Variants in STAT3 observed in about 807,000 individuals in gnomAD.
The protein encoded by STAT3 is signal transducer and activator of transcription 3.
A neutral mutation model predicts 114.3 loss-of-function variants in STAT3; 7 were observed. That is an observed-to-expected ratio of 0.06 (90% CI 0.03 to 0.11). STAT3 has a LOEUF of 0.11. Ranked by LOEUF, STAT3 falls within the 10% of genes least tolerant of loss-of-function variation. The pLI is 1.00. For missense variants in STAT3, 364 were observed against 960.9 expected, an observed-to-expected ratio of 0.38 and a Z score of 8.21; for synonymous variants, 331 against 354.5, an observed-to-expected ratio of 0.93 and a Z score of 0.74.
At chr17:42,340,312 C>A (rs967782376) in intron 4 of STAT3, among the ~76,000 whole-genome samples, 1 of 149,034 alleles carries the variant, frequency 6.7e-6, no homozygotes, top group Non-Finnish European at 1.5e-5. Flanking sequence ...GCCAAGACTG[C>A]GCCATGCACT....
intron 4 of STAT3, among the ~76,000 whole-genome samples, chr17:42,344,795 T>C (rs2082620841): frequency 6.6e-6 from 1 of 150,434 alleles, no homozygotes; most frequent in Non-Finnish European, 1.5e-5. Flanking sequence ...TCAGGCAATC[T>C]GCCCGTCTCA....
intron 1 of STAT3, among the ~76,000 whole-genome samples, chr17:42,373,754 G>A (rs554541406): frequency 6.7e-6 from 1 of 150,204 alleles, no homozygotes; most frequent in Non-Finnish European, 1.5e-5. Flanking sequence ...GCATCGTGGC[G>A]GGCGCCTGTA....
intron 15 of STAT3, 87 bp from the exon 16 acceptor site, chr17:42,325,148 G>T: frequency 7.6e-7 from 1 of 1,310,042 alleles, no homozygotes; most frequent in Non-Finnish European, 1.1e-6. Context: ...ACGGGGCTCA[G>T]AATGAAAGGA....
chr17:42,316,591 A>T, intron 23 of STAT3, 198 bp downstream of exon 23: 2 of 1,389,310 alleles, frequency 1.4e-6, no homozygotes, highest in Non-Finnish European at 2.0e-6. Flanking sequence ...TGTAAAAATT[A>T]AGTTCGTCTA....
At chr17:42,339,210 C>A in intron 5 of STAT3, 104 bp downstream of exon 5, 1 of 1,114,536 alleles carries the variant, frequency 9.0e-7, no homozygotes, top group Non-Finnish European at 1.3e-6. Context: ...GAGCTGTGAT[C>A]ATGCCACTGC....
intron 2 of STAT3, among the ~76,000 whole-genome samples, chr17:42,347,506 G>A (rs1481474954): frequency 6.6e-6 from 1 of 152,160 alleles, no homozygotes; most frequent in African/African-American, 2.4e-5. Flanking sequence ...TTAAAGTGAA[G>A]AAAATAGTTG....
rs17880940 is a variant in STAT3, at chr17:42,345,622, C to G, written c.309G>C (p.Arg103=). ...RYLEKPMEIA[R]IVARCLWEES... is the part of the protein sequence containing the mutation. ...CTTCCCACAGGCACCGGGCCACAAT[C>G]CGGGCAATCTCCATTGGCTTCTCAA... The change falls in exon 4 of 24, where the codon CGG becomes CGC. Residue 103 remains arginine, a synonymous_variant. Coordinates refer to ENST00000264657, the MANE Select transcript of STAT3 (RefSeq NM_139276.3). The G allele has an allele frequency of 2.2e-5, 36 of 1,608,350 alleles. No homozygotes were observed. In the African/African-American group the frequency reaches 4.7e-4, roughly 21 times the overall value.
At position 42,315,518 on chromosome 17, in the gene STAT3, C is replaced by T; in HGVS notation, c.*227G>A. On this transcript the variant is annotated 3_prime_UTR_variant, in exon 24 of 24. Coordinates refer to ENST00000264657, the MANE Select transcript of STAT3 (RefSeq NM_139276.3). ...TCCCCTGATCATGGGTCTCAGAGAA[C>T]ACATCCTTATTTGCATTTAGATAAA... 1.6e-6 allele frequency: 1 copy of T among 618,474 alleles called. No individual in the cohort carries two copies. The highest frequency in any genetic ancestry group is 2.7e-5 in the East Asian group (1 of 36,564). The allele number at this position is 618,474 out of a possible 1,614,324, so 38.3% of individuals were successfully genotyped here.
At position 42,314,443 on chromosome 17, in the gene STAT3, G is replaced by C. The variant is rs996083436; in HGVS notation, c.*1302C>G. The C allele has an allele frequency of 2.5e-5, 4 of 162,732 alleles. No homozygotes were observed. Among genetic ancestry groups the C allele is most frequent in the Non-Finnish European group, 5.2e-5 (4 of 76,730 alleles). 10.1% of individuals were successfully genotyped at this position (162,732 alleles called of 1,614,324 possible). ...GATGAGGGACCTTTAGACACGCAAG[G>C]AGACATGCCTCTAGCAGGATCAGGG... On this transcript the variant is annotated 3_prime_UTR_variant, in exon 24 of 24. Transcript: ENST00000264657.
chr17:42,387,677 A>G (rs2085182007), intron 1 of STAT3: 1 of 152,158 alleles, frequency 6.6e-6, no homozygotes, highest in Admixed American at 6.5e-5. Flanking sequence ...GAATTTAGAA[A>G]GAGTACCGGT....
At chr17:42,315,968 AGG>A in intron 23 of STAT3, 168 bp from the exon 24 acceptor site, 1 of 1,501,014 alleles carries the variant, frequency 6.7e-7, no homozygotes, top group Non-Finnish European at 8.9e-7. Flanking sequence ...TCCTCCCTGG[AGG>A]ACCCTGCCTC....
At chr17:42,341,938 T>C (rs1203266136) in intron 4 of STAT3, among the ~76,000 whole-genome samples, 3 of 152,026 alleles carry the variant, frequency 2.0e-5, no homozygotes, top group African/African-American at 7.2e-5. Flanking sequence ...ATCCGTACGA[T>C]TGAAAACATC....
intron 1 of STAT3, among the ~76,000 whole-genome samples, chr17:42,379,683 C>T (rs773883144): frequency 6.6e-6 from 1 of 152,142 alleles, no homozygotes; most frequent in Non-Finnish European, 1.5e-5. Context: ...CTTTCTGGGT[C>T]GGGAGCAATT....
chr17:42,388,283 T>G lies in STAT3; in HGVS notation c.-28A>C, dbSNP rs2085226063. ...CCCACCCTGCACCCCCTTCACCTGT[T>G]TCTCCGGCAGAGGCCGAGAGGCCGG... On this transcript the variant is annotated 5_prime_UTR_variant, in exon 1 of 24. Transcript: ENST00000264657. The G allele has an allele frequency of 1.6e-6, 2 of 1,231,558 alleles. No individual in the cohort carries two copies. The highest frequency in any genetic ancestry group is 3.1e-5 in the African/African-American group (2 of 64,384). 76.3% of individuals were successfully genotyped at this position (1,231,558 alleles called of 1,614,324 possible).
At chr17:42,334,177 G>A (rs2082135131) in intron 8 of STAT3, 128 bp from the exon 9 acceptor site, 5 of 1,051,170 alleles carry the variant, frequency 4.8e-6, no homozygotes, top group Admixed American at 2.1e-5. Context: ...TTATTGTGGT[G>A]AAATATATAT....
chr17:42,339,382 C>T lies in STAT3; in HGVS notation c.400G>A (p.Ala134Thr), dbSNP rs2082349423. Residue 134 changes from alanine (A) to threonine (T), a missense_variant, in exon 5 of 24, where the codon GCA becomes ACA. Around this residue, in one of 5 missense-constraint regions of STAT3, gnomAD observed 294 missense variants for 745.1 expected, o/e 0.39. Coordinates refer to ENST00000264657, the MANE Select transcript of STAT3 (RefSeq NM_139276.3). The part of the protein sequence containing the change: ...QQGGQANHPT[A>T]AVVTEKQQML... ...TGCTGCTTCTCCGTCACCACGGCTG[C>T]TGTGGGGTGGTTGGCCTGGCCCCCT... The T allele has an allele frequency of 6.2e-7, 1 of 1,614,142 alleles. No individual in the cohort carries two copies. Among genetic ancestry groups the T allele is most frequent in the Admixed American group, 1.7e-5 (1 of 60,010 alleles).
chr17:42,315,678 G>T lies in STAT3; in HGVS notation c.*67C>A. ...TTCAGATGATCTGGGGTTTGGCTGTGTGAGGGGTGGCAGAATGCAGGTAGG... is the reference window on the plus strand; with the variant it reads ...TTCAGATGATCTGGGGTTTGGCTGTTTGAGGGGTGGCAGAATGCAGGTAGG... On this transcript the variant is annotated 3_prime_UTR_variant, in exon 24 of 24. Transcript: ENST00000264657. The T allele has an allele frequency of 6.6e-7, 1 of 1,514,520 alleles. No individual in the cohort carries two copies. The highest frequency in any genetic ancestry group is 9.2e-7 in the Non-Finnish European group (1 of 1,089,292). 93.8% of individuals were successfully genotyped at this position (1,514,520 alleles called of 1,614,324 possible). A position where few individuals can be genotyped will look rare whatever the true frequency, so the allele number is the denominator to read the frequency against.
chr17:42,340,523 T>G (rs555947728), intron 4 of STAT3, among the ~76,000 whole-genome samples: 1 of 147,420 alleles, frequency 6.8e-6, no homozygotes, highest in Non-Finnish European at 1.5e-5. Flanking sequence ...AAAAAAAAAT[T>G]TTTTTTTAAC....
intron 1 of STAT3, among the ~76,000 whole-genome samples, chr17:42,386,427 T>G (rs1261755337): frequency 6.6e-6 from 1 of 152,160 alleles, no homozygotes; most frequent in African/African-American, 2.4e-5. Flanking sequence ...ATTAGGGTAA[T>G]TGTTATGTGA....
Sources: gnomAD v4.1 joint callset for allele counts (sites outside exome capture counted in the v4.1 genomes callset) on GRCh38, gnomAD v4.1.1 for gene constraint, gnomAD v4.1.1 regional missense constraint, MANE v1.5 for transcripts, NCBI Gene and HGNC (gene_info 2026-07-23, HGNC 2026-07-21) for gene names.